Variants in ANO3 observed in about 807,000 individuals in gnomAD.
The protein encoded by ANO3 is anoctamin 3.
Under a neutral mutation model 144.8 loss-of-function variants are expected in ANO3, and 99 were observed. The observed-to-expected ratio is 0.68, with a 90% CI of 0.58 to 0.81. The LOEUF is 0.81. ANO3 is among the 30% of genes least tolerant of loss of function. The probability of loss-of-function intolerance (pLI) is 0.00; values close to 1 mark genes in which losing one functional copy is unlikely to be tolerated. For synonymous variants in ANO3, 414 were observed against 392.6 expected (o/e 1.05, Z -0.64); for missense variants, 905 against 1,202.2 (o/e 0.75, Z 3.66).
At chr11:26,360,888 T>A (rs1855909247) in intron 1 of ANO3, among the ~76,000 whole-genome samples, 1 of 152,234 alleles carries the variant, frequency 6.6e-6, no homozygotes, top group African/African-American at 2.4e-5. Context: ...TAAGAATGTT[T>A]GTGACATACC....
chr11:26,600,265 T>C (rs1590615195), intron 17 of ANO3, among the ~76,000 whole-genome samples: 5 of 102,128 alleles, frequency 4.9e-5, no homozygotes, highest in African/African-American at 6.9e-5. Flanking sequence ...TCTCCTCTCC[T>C]CTCCTCTCCC....
rs1304651169 is a variant in ANO3 at position 26,407,076 on chromosome 11, G to GTGTGTA, written c.47-34841_47-34840insGTGTAT. Among the ~76,000 whole-genome samples the GTGTGTA allele has an allele frequency of 7.6e-4, 77 of 101,510 alleles. 1 individual carries two copies. Among genetic ancestry groups the GTGTGTA allele is most frequent in the African/African-American group, 2.0e-3 (63 of 31,506 alleles). 66.6% of individuals were successfully genotyped at this position (101,510 alleles called of 152,430 possible). A position where few individuals can be genotyped will look rare whatever the true frequency, so the allele number is the denominator to read the frequency against. ...TGTGTGTGTGTGTGTGTGTGTGTGT[G>GTGTGTA]TATATATATATATATATGTATATAT... On this transcript the variant is annotated intron_variant, in intron 1 of 26. Transcript: ENST00000256737.
intron 8 of ANO3, 107 bp from the exon 9 acceptor site, chr11:26,534,349 C>T: frequency 8.2e-6 from 5 of 612,110 alleles, no homozygotes; most frequent in South Asian, 3.1e-5. Flanking sequence ...GATGATTTCC[C>T]TTCTGATTTA....
chr11:26,246,609 C>A (rs1005706954), intron 1 of ANO3, among the ~76,000 whole-genome samples: 14 of 149,328 alleles, frequency 9.4e-5, no homozygotes, highest in African/African-American at 3.3e-4. Flanking sequence ...TTTAAGAGTT[C>A]TTTATATGTT....
In ANO3 at chr11:26,510,149, A is replaced by G. The variant is rs1333075547; in HGVS notation, c.591+1887A>G. 1.9e-4 allele frequency among the ~76,000 whole-genome samples: 28 copies of G among 145,640 alleles called. 9 individuals carry two copies. The highest frequency in any genetic ancestry group is 3.5e-4 in the Admixed American group (5 of 14,278). ...CTCCATCTCAAAAAAAAAAAAAAAAAAAAAGAGTAGAAAAGAAAAACTAAT... is the reference window on the plus strand; with the variant it reads ...CTCCATCTCAAAAAAAAAAAAAAAAGAAAAGAGTAGAAAAGAAAAACTAAT... On this transcript the variant is annotated intron_variant, in intron 5 of 26. Coordinates refer to ENST00000256737, the MANE Select transcript of ANO3 (RefSeq NM_031418.4).
upstream of ANO3, among the ~76,000 whole-genome samples, chr11:26,328,952 T>C (rs1854961346): frequency 6.6e-6 from 1 of 152,184 alleles, no homozygotes; most frequent in South Asian, 2.1e-4. Context: ...GGCTTTTTTT[T>C]TCTACTTTGG....
At chr11:26,195,000 A>G (rs117902339) in intron 1 of ANO3, among the ~76,000 whole-genome samples, 3 of 152,346 alleles carry the variant, frequency 2.0e-5, no homozygotes, top group Non-Finnish European at 2.9e-5. Context: ...TTCCAATTGC[A>G]TTCTGATGAA....
chr11:26,642,316 T>G (rs1208223148), intron 22 of ANO3, among the ~76,000 whole-genome samples: 1 of 150,262 alleles, frequency 6.7e-6, no homozygotes, highest in African/African-American at 2.4e-5. Context: ...CTGAACCAGT[T>G]TCTTTTCCTT....
chr11:26,533,730 T>A (rs1849431988), intron 8 of ANO3, among the ~76,000 whole-genome samples: 1 of 152,156 alleles, frequency 6.6e-6, no homozygotes, highest in African/African-American at 2.4e-5. Flanking sequence ...TCAGAAAAGT[T>A]ACACCGTTTG....
intron 1 of ANO3, among the ~76,000 whole-genome samples, chr11:26,246,528 T>TA (rs1212104054): frequency 6.7e-6 from 1 of 150,236 alleles, no homozygotes; most frequent in East Asian, 1.9e-4. Flanking sequence ...AGGCTATCTG[T>TA]AAGTTTTCAT....
chr11:26,473,710 TAATA>T (rs895913779), intron 4 of ANO3, among the ~76,000 whole-genome samples: 3 of 151,984 alleles, frequency 2.0e-5, no homozygotes, highest in Non-Finnish European at 2.9e-5. Flanking sequence ...AATAGATTAT[TAATA>T]ATTGACAGTA....
intron 17 of ANO3, among the ~76,000 whole-genome samples, chr11:26,606,427 T>C (rs1235825415): frequency 6.6e-6 from 1 of 152,192 alleles, no homozygotes; most frequent in African/African-American, 2.4e-5. Flanking sequence ...GAGAGTTCTG[T>C]TGATGTCTAT....
At chr11:26,204,502 A>G (rs1851759178) in intron 1 of ANO3, among the ~76,000 whole-genome samples, 1 of 152,060 alleles carries the variant, frequency 6.6e-6, no homozygotes, top group Non-Finnish European at 1.5e-5. Context: ...ATACAGGTCA[A>G]TTTTCCCTGA....
Position 26,508,220 on chromosome 11 carries a change from T to C in ANO3, c.549T>C (p.Phe183=), listed in dbSNP as rs764094721. The C allele has an allele frequency of 6.2e-6, 10 of 1,603,282 alleles. No homozygotes were observed. The East Asian group carries it at 2.3e-4, about 36-fold the overall frequency. The change falls in exon 5 of 27, where the codon TTT becomes TTC. Residue 183 remains phenylalanine (F), a synonymous_variant. Transcript: ENST00000256737. ...TACAATATGATAAAAGAAACACATTTGAAAAGAACCTCAGAGCAGAAGGCT... is the reference window on the plus strand; with the variant it reads ...TACAATATGATAAAAGAAACACATTCGAAAAGAACCTCAGAGCAGAAGGCT... ...TNIQYDKRNT[F]EKNLRAEGLM...
chr11:26,244,385 G>A (rs955028402), intron 1 of ANO3, among the ~76,000 whole-genome samples: 11 of 152,112 alleles, frequency 7.2e-5, no homozygotes, highest in Non-Finnish European at 1.2e-4. Flanking sequence ...TAGCTTTTCT[G>A]TTTACTAGTT....
intron 1 of ANO3, among the ~76,000 whole-genome samples, chr11:26,417,917 G>A (rs538568195): frequency 2.0e-5 from 3 of 151,964 alleles, no homozygotes; most frequent in Admixed American, 2.0e-4. Context: ...TTAAAAAATG[G>A]CTTTTCAAAA....
chr11:26,335,845 C>T (rs981193379), intron 1 of ANO3, among the ~76,000 whole-genome samples: 11 of 152,192 alleles, frequency 7.2e-5, no homozygotes, highest in African/African-American at 2.4e-4. Context: ...AAAATGTTGA[C>T]GTTTTGTTTT....
intron 1 of ANO3, among the ~76,000 whole-genome samples, chr11:26,295,127 G>A (rs1403154349): frequency 6.6e-6 from 1 of 151,802 alleles, no homozygotes; most frequent in Non-Finnish European, 1.5e-5. Context: ...TGTTGGACAG[G>A]ATGGTCTCAA....
At chr11:26,323,172 C>G (rs1325192758) in intron 1 of ANO3, among the ~76,000 whole-genome samples, 1 of 151,988 alleles carries the variant, frequency 6.6e-6, no homozygotes, top group East Asian at 1.9e-4. Context: ...ATATCCCCTG[C>G]CCTAGACCTG....
Sources: gnomAD v4.1 joint callset for allele counts (sites outside exome capture counted in the v4.1 genomes callset) on GRCh38, gnomAD v4.1.1 for gene constraint, MANE v1.5 for transcripts, NCBI Gene and HGNC (gene_info 2026-07-23, HGNC 2026-07-21) for gene names.